The following FOXO3 variants were observed in gnomAD, a reference collection of about 807,000 sequenced individuals.
FOXO3 encodes forkhead box O3.
FOXO3 carries 4 observed loss-of-function variants against 41.9 expected under a neutral mutation model. The observed-to-expected ratio is 0.10, with a 90% confidence interval of 0.05 to 0.22. The LOEUF is 0.22. Ranked by LOEUF, FOXO3 falls within the 10% of genes least tolerant of loss-of-function variation. The pLI, the probability that FOXO3 is intolerant of heterozygous loss-of-function variation, is 1.00. For missense variants in FOXO3, 534 were observed against 906.8 expected (o/e 0.59, Z 5.28); for synonymous variants, 318 against 389.3 (o/e 0.82, Z 2.16).
chr6:108,620,365 A>AT, intron 1 of FOXO3, among the ~76,000 whole-genome samples: 1 of 151,974 alleles, frequency 6.6e-6, no homozygotes, highest in Non-Finnish European at 1.5e-5. Context: ...GAGGGAGAAA[A>AT]TTTTTTTTAG....
Position 108,584,110 on chromosome 6 carries a change from C to T in FOXO3, c.621+22281C>T, listed in dbSNP as rs532138284. 3.3e-5 allele frequency among the ~76,000 whole-genome samples: 5 copies of T among 152,290 alleles called. No individual in the cohort carries two copies. The South Asian group carries it at 8.3e-4, about 25-fold the overall frequency. ...GTTATTCATCCATTTAGTTTCATTC[C>T]GCCGGCACGGTAATGCATGGAATAA... is the stretch of plus-strand genomic sequence containing the variant. On this transcript the variant is annotated intron_variant, in intron 1 of 2. Transcript: ENST00000406360.
At chr6:108,573,848 A>G (rs1776183187) in intron 1 of FOXO3, among the ~76,000 whole-genome samples, 1 of 151,790 alleles carries the variant, frequency 6.6e-6, no homozygotes, top group East Asian at 1.9e-4. Context: ...ATAAGTAATG[A>G]TAATAATAAA....
chr6:108,623,501 C>T (rs1247898443), intron 1 of FOXO3, among the ~76,000 whole-genome samples: 2 of 152,156 alleles, frequency 1.3e-5, no homozygotes, highest in East Asian at 1.9e-4. Context: ...CCATTGAGGG[C>T]CCCCAGGCTA....
intron 2 of FOXO3, among the ~76,000 whole-genome samples, chr6:108,678,509 T>TA (rs398002571): frequency 1.3e-5 from 2 of 149,066 alleles, no homozygotes; most frequent in Non-Finnish European, 3.0e-5. Context: ...TTTTTTTTTT[T>TA]AATCCCTTAA....
intron 1 of FOXO3, among the ~76,000 whole-genome samples, chr6:108,609,338 G>C (rs1413341770): frequency 6.6e-6 from 1 of 152,178 alleles, no homozygotes; most frequent in Non-Finnish European, 1.5e-5. Context: ...TGGTTGTGGT[G>C]ACTGAGGGCA....
At position 108,664,349 on chromosome 6, in the gene FOXO3, C is replaced by T. The variant is rs781112464; in HGVS notation, c.1516C>T (p.Arg506Cys). ...ASTAVSAQNS[R>C]RNVMLRNDPM... ...CACCGCTGTGTCTGCCCAGAATTCC[C>T]GCCGGAACGTGATGCTTCGCAATGA... The change falls in exon 2 of 3, where the codon CGC (arginine) becomes TGC (cysteine). Residue 506 changes from arginine to cysteine, a missense_variant. By Grantham distance (180) the Arg-to-Cys change is radical (BLOSUM62 -3). Coordinates refer to ENST00000406360, the MANE Select transcript of FOXO3 (RefSeq NM_001455.4). 1.6e-5 allele frequency: 26 copies of T among 1,611,286 alleles called. No homozygotes were observed. Among genetic ancestry groups the T allele is most frequent in the Middle Eastern group, 1.6e-4 (1 of 6,074 alleles).
At position 108,661,242 on chromosome 6, in the gene FOXO3, G is replaced by A. The variant is rs538431749; in HGVS notation, c.622-2213G>A. On this transcript the variant is annotated intron_variant, in intron 1 of 2. Coordinates refer to ENST00000406360, the MANE Select transcript of FOXO3 (RefSeq NM_001455.4). ...GGGTGACAGAGTGGGACTCTGTCTC[G>A]GGCGGCGGGGGGAACATTCTGGTAG... Among the ~76,000 whole-genome samples the A allele has an allele frequency of 4.1e-4, 63 of 152,006 alleles. 1 individual carries two copies. The highest frequency in any genetic ancestry group is 7.9e-4 in the Non-Finnish European group (54 of 67,960).
At chr6:108,666,799 G>A (rs1165788056) in intron 2 of FOXO3, among the ~76,000 whole-genome samples, 2 of 152,134 alleles carry the variant, frequency 1.3e-5, no homozygotes, top group Non-Finnish European at 1.5e-5. Flanking sequence ...TCCTCCTCAA[G>A]AAGTAAGATG....
At chr6:108,606,083 C>T (rs1034001223) in intron 1 of FOXO3, among the ~76,000 whole-genome samples, 17 of 152,014 alleles carry the variant, frequency 1.1e-4, no homozygotes, top group Admixed American at 5.9e-4. Flanking sequence ...CGAAACAGAA[C>T]AATTATAATT....
chr6:108,665,016 A>T (rs1276722779), intron 2 of FOXO3, 127 bp downstream of exon 2: 2 of 1,035,846 alleles, frequency 1.9e-6, no homozygotes, highest in Non-Finnish European at 2.8e-6. Context: ...TGGTGCACAT[A>T]ATATGGCTCC....
intron 2 of FOXO3, among the ~76,000 whole-genome samples, chr6:108,668,040 T>C (rs1424199111): frequency 6.6e-6 from 1 of 152,234 alleles, no homozygotes; most frequent in Non-Finnish European, 1.5e-5. Flanking sequence ...AGAACGAGGC[T>C]GAGGTCAGAC....
chr6:108,616,310 AC>A, intron 1 of FOXO3, among the ~76,000 whole-genome samples: 1 of 151,796 alleles, frequency 6.6e-6, no homozygotes. Context: ...GACTACAGGC[AC>A]CCACCACCAC....
intron 2 of FOXO3, among the ~76,000 whole-genome samples, chr6:108,667,441 G>T (rs1365911851): frequency 6.6e-6 from 1 of 152,196 alleles, no homozygotes; most frequent in Non-Finnish European, 1.5e-5. Context: ...TTTAATTTGA[G>T]TGTAATTGTA....
chr6:108,642,973 A>G (rs1396052755), intron 1 of FOXO3, among the ~76,000 whole-genome samples: 1 of 152,210 alleles, frequency 6.6e-6, no homozygotes, highest in Non-Finnish European at 1.5e-5. Flanking sequence ...TTGCATACAG[A>G]TTGAGCACAT....
rs976989793 is a variant in FOXO3, at chr6:108,561,565, G to T, written c.357G>T (p.Leu119=). 3 of 1,448,662 alleles carry T rather than the reference G, an allele frequency of 2.1e-6. No individual in the cohort carries two copies. Among genetic ancestry groups the T allele is most frequent in the African/African-American group, 3.0e-5 (2 of 67,552 alleles). The allele number at this position is 1,448,662 out of a possible 1,614,324, so 89.7% of individuals were successfully genotyped here. The change falls in exon 1 of 3, where the codon CTG becomes CTT. Residue 119 remains leucine, a synonymous_variant. Transcript: ENST00000406360. The part of the protein sequence containing the change: ...GSGPATAAGG[L]SGGTQALLQP... ...GGCCAGCCACCGCGGCGGGCGGGCT[G>T]AGCGGGGGTACACAGGCGCTGCTGC... is the stretch of plus-strand genomic sequence containing the variant.
intron 1 of FOXO3, among the ~76,000 whole-genome samples, chr6:108,655,643 A>C (rs995746465): frequency 1.3e-5 from 2 of 152,212 alleles, no homozygotes; most frequent in African/African-American, 4.8e-5. Flanking sequence ...GGCGGGGTGA[A>C]GAACTACTAC....
At chr6:108,658,076 G>A (rs1582822185) in intron 1 of FOXO3, among the ~76,000 whole-genome samples, 1 of 152,150 alleles carries the variant, frequency 6.6e-6, no homozygotes, top group East Asian at 1.9e-4. Flanking sequence ...TATGCAGATG[G>A]TCCTGGAACC....
At chr6:108,597,502 C>T (rs372938090) in intron 1 of FOXO3, among the ~76,000 whole-genome samples, 1 of 152,042 alleles carries the variant, frequency 6.6e-6, no homozygotes, top group African/African-American at 2.4e-5. Flanking sequence ...CCCCATGCTG[C>T]CTTGTGGTAT....
chr6:108,621,842 C>T (rs1777671675), intron 1 of FOXO3, among the ~76,000 whole-genome samples: 1 of 152,106 alleles, frequency 6.6e-6, no homozygotes. Context: ...AGAAAGAATT[C>T]CTCTTGAGCT....
Sources: gnomAD v4.1 joint callset for allele counts (sites outside exome capture counted in the v4.1 genomes callset) on GRCh38, gnomAD v4.1.1 for gene constraint, MANE v1.5 for transcripts, NCBI Gene and HGNC (gene_info 2026-07-23, HGNC 2026-07-21) for gene names.